Variants in GABRB3 observed in about 807,000 individuals in gnomAD.
The protein encoded by GABRB3 is gamma-aminobutyric acid receptor subunit beta-3.
A neutral mutation model predicts 52.1 loss-of-function variants in GABRB3; 14 were observed. That is an observed-to-expected ratio of 0.27 (90% CI 0.18 to 0.42). GABRB3 has a LOEUF of 0.42. Ranked by LOEUF, GABRB3 falls within the 10% of genes least tolerant of loss-of-function variation. GABRB3 has a pLI of 1.00. For missense variants in GABRB3, 307 were observed against 609.1 expected, an observed-to-expected ratio of 0.50 and a Z score of 5.22; for synonymous variants, 260 against 232.3, an observed-to-expected ratio of 1.12 and a Z score of -1.08.
chr15:26,746,764 G>C (rs1890353886), intron 3 of GABRB3, among the ~76,000 whole-genome samples: 1 of 152,076 alleles, frequency 6.6e-6, no homozygotes, highest in Non-Finnish European at 1.5e-5. Flanking sequence ...GAGAGGGGCA[G>C]ATCACGAGGT....
intron 6 of GABRB3, among the ~76,000 whole-genome samples, chr15:26,578,251 C>T (rs1235330736): frequency 1.3e-5 from 2 of 152,210 alleles, no homozygotes; most frequent in Non-Finnish European, 2.9e-5. Flanking sequence ...GCCATTTCTT[C>T]ATGCACAGGT....
chr15:26,632,993 C>G (rs1302103813), intron 3 of GABRB3, among the ~76,000 whole-genome samples: 2 of 152,160 alleles, frequency 1.3e-5, no homozygotes, highest in African/African-American at 4.8e-5. Context: ...CCCCAGCCCC[C>G]ACTATTCTAC....
rs182534176 is a variant in GABRB3, at chr15:26,580,301, A to C, written c.682+18T>G. Reference sequence around the variant, plus strand: ...AGCCAGTGCCCCTGAAGGGACTATAAGTGGATGCAGGACTCACCTGTGGCG... The same window carrying C: ...AGCCAGTGCCCCTGAAGGGACTATACGTGGATGCAGGACTCACCTGTGGCG... On this transcript the variant is annotated intron_variant, in intron 6 of 8. Transcript: ENST00000311550. 6.2e-7 allele frequency: 1 copy of C among 1,614,120 alleles called. No homozygotes were observed. The highest frequency in any genetic ancestry group is 2.2e-5 in the East Asian group (1 of 44,862).
intron 4 of GABRB3, chr15:26,612,056 G>A (rs1892090496): frequency 3.9e-5 from 6 of 152,136 alleles, no homozygotes; most frequent in Admixed American, 2.6e-4. Context: ...TAGTGGTGTT[G>A]GTGGACTTAA....
chr15:26,702,017 T>C (rs1888951579), intron 3 of GABRB3, among the ~76,000 whole-genome samples: 1 of 152,170 alleles, frequency 6.6e-6, no homozygotes, highest in African/African-American at 2.4e-5. Flanking sequence ...TTGACATCTG[T>C]ATATCCATAG....
chr15:26,696,951 A>T (rs1888760422), intron 3 of GABRB3, among the ~76,000 whole-genome samples: 1 of 152,248 alleles, frequency 6.6e-6, no homozygotes, highest in South Asian at 2.1e-4. Context: ...AATTTAAGGG[A>T]ATGTCAACAA....
Position 26,767,952 on chromosome 15 carries a change from G to A in GABRB3, c.240+4450C>T, listed in dbSNP as rs549710273. 7.2e-5 allele frequency among the ~76,000 whole-genome samples: 11 copies of A among 152,218 alleles called. No homozygotes were observed. In the South Asian group the frequency reaches 1.5e-3, roughly 20 times the overall value. On this transcript the variant is annotated intron_variant, in intron 3 of 8. Transcript: ENST00000311550. ...ACTGTATCCATTTAGTAGTGATACA[G>A]CTACAAAGCTGCTTCTTGAAATGTG...
chr15:26,762,845 T>C lies in GABRB3; in HGVS notation c.240+9557A>G, dbSNP rs546989121. Among the ~76,000 whole-genome samples the C allele has an allele frequency of 1.9e-4, 29 of 152,312 alleles. No homozygotes were observed. In the South Asian group the frequency reaches 6.0e-3, roughly 32 times the overall value. ...GGTGTTCTCCAAGCAACCATTGTTT[T>C]AGTCCATGCCACAAGGAATGACACC... is the stretch of plus-strand genomic sequence containing the variant. On this transcript the variant is annotated intron_variant, in intron 3 of 8. Coordinates refer to ENST00000311550, the MANE Select transcript of GABRB3 (RefSeq NM_000814.6).
At chr15:26,766,836 C>T (rs748921798) in intron 3 of GABRB3, among the ~76,000 whole-genome samples, 22 of 152,202 alleles carry the variant, frequency 1.4e-4, no homozygotes, top group Admixed American at 2.6e-4. Context: ...GAGCCCAGCA[C>T]GGGCTCAAGC....
At chr15:26,639,831 C>T (rs981867987) in intron 3 of GABRB3, among the ~76,000 whole-genome samples, 1 of 152,106 alleles carries the variant, frequency 6.6e-6, no homozygotes, top group African/African-American at 2.4e-5. Context: ...TAAATGTAAA[C>T]AGATGTTTCT....
At chr15:26,757,169 A>AT (rs1890685801) in intron 3 of GABRB3, among the ~76,000 whole-genome samples, 1 of 151,982 alleles carries the variant, frequency 6.6e-6, no homozygotes, top group Non-Finnish European at 1.5e-5. Flanking sequence ...CAATTTTACC[A>AT]TTTTTTGCTA....
chr15:26,726,164 G>A (rs1174346465), intron 3 of GABRB3, among the ~76,000 whole-genome samples: 1 of 151,890 alleles, frequency 6.6e-6, no homozygotes. Context: ...CATTTTGACT[G>A]CAGCCCATCA....
At chr15:26,721,911 A>G in intron 3 of GABRB3, among the ~76,000 whole-genome samples, 1 of 152,132 alleles carries the variant, frequency 6.6e-6, no homozygotes, top group Non-Finnish European at 1.5e-5. Flanking sequence ...CCATTGGTCC[A>G]TGATAATTCA....
At chr15:26,612,823 A>G (rs1387503246) in intron 4 of GABRB3, 1 of 152,244 alleles carries the variant, frequency 6.6e-6, no homozygotes, top group African/African-American at 2.4e-5. Flanking sequence ...ATGTAAGAAC[A>G]AAAAATTGGA....
chr15:26,554,175 A>AAATATACATATAT (rs1397152466), intron 8 of GABRB3, among the ~76,000 whole-genome samples: 1 of 14,252 alleles, frequency 7.0e-5, no homozygotes, highest in African/African-American at 1.3e-4. Context: ...ATATATATAA[A>AAATATACATATAT]GTATATATAT....
At chr15:26,701,171 C>A (rs1292548159) in intron 3 of GABRB3, among the ~76,000 whole-genome samples, 4 of 152,208 alleles carry the variant, frequency 2.6e-5, no homozygotes, top group African/African-American at 9.6e-5. Flanking sequence ...AAAAGACTGA[C>A]TGCTTTCCTT....
chr15:26,588,238 GACA>G (rs1033457581), intron 4 of GABRB3, among the ~76,000 whole-genome samples: 16 of 152,136 alleles, frequency 1.1e-4, no homozygotes, highest in Non-Finnish European at 2.9e-5. Flanking sequence ...TAGAGAACTG[GACA>G]ACGTTACAGG....
At chr15:26,555,439 G>C (rs761613259) in intron 8 of GABRB3, among the ~76,000 whole-genome samples, 3 of 152,144 alleles carry the variant, frequency 2.0e-5, no homozygotes, top group Non-Finnish European at 4.4e-5. Flanking sequence ...ATGAATCCAT[G>C]TCCTGTCTTC....
chr15:26,720,138 C>A (rs898985336), intron 3 of GABRB3, among the ~76,000 whole-genome samples: 1 of 150,296 alleles, frequency 6.7e-6, no homozygotes, highest in Non-Finnish European at 1.5e-5. Context: ...CACCTCATGA[C>A]CCCCACTCCT....
Sources: allele counts gnomAD v4.1 joint callset (sites outside exome capture counted in the v4.1 genomes callset), GRCh38; gene constraint gnomAD v4.1.1; transcripts MANE v1.5; gene names NCBI Gene and HGNC (gene_info 2026-07-23, HGNC 2026-07-21).